NRXN1: variants seen among roughly 807,000 people sequenced by gnomAD.
The protein encoded by NRXN1 is neurexin-1.
A neutral mutation model predicts 150.9 loss-of-function variants in NRXN1; 39 were observed. That is an observed-to-expected ratio of 0.26 (90% CI 0.20 to 0.34). The LOEUF (loss-of-function observed/expected upper bound fraction) is 0.34, where lower values mean the gene tolerates loss of function less well. Ranked by LOEUF, NRXN1 falls within the 10% of genes least tolerant of loss-of-function variation. The pLI, the probability that NRXN1 is intolerant of heterozygous loss-of-function variation, is 1.00. For missense variants in NRXN1, 1,815 were observed against 1,949.9 expected (o/e 0.93, Z 1.30); for synonymous variants, 924 against 757.0 (o/e 1.22, Z -3.62).
At chr2:50,380,675 G>C (rs1356755692) in intron 17 of NRXN1, among the ~76,000 whole-genome samples, 1 of 152,002 alleles carries the variant, frequency 6.6e-6, no homozygotes, top group Non-Finnish European at 1.5e-5. Context: ...AATACATAAT[G>C]TGCACTCAAT....
chr2:50,789,324 G>T (rs968250306), intron 5 of NRXN1, among the ~76,000 whole-genome samples: 5 of 152,138 alleles, frequency 3.3e-5, no homozygotes, highest in African/African-American at 1.2e-4. Flanking sequence ...ATCATGAAAT[G>T]ATACGGCTTA....
intron 5 of NRXN1, among the ~76,000 whole-genome samples, chr2:50,719,114 G>C (rs1020478955): frequency 1.3e-5 from 2 of 151,614 alleles, no homozygotes; most frequent in African/African-American, 4.8e-5. Flanking sequence ...TGGAGGCTTG[G>C]AGGTGTAAGA....
chr2:50,363,445 A>G (rs1270579306), intron 17 of NRXN1, among the ~76,000 whole-genome samples: 1 of 152,228 alleles, frequency 6.6e-6, no homozygotes, highest in Non-Finnish European at 1.5e-5. Flanking sequence ...ATGAACAGAC[A>G]CTTTTCAAAA....
chr2:50,817,090 T>C (rs1472067647), intron 5 of NRXN1, among the ~76,000 whole-genome samples: 3 of 151,986 alleles, frequency 2.0e-5, no homozygotes, highest in East Asian at 1.9e-4. Context: ...ATTTCCATAA[T>C]TTATTTAGTT....
intron 9 of NRXN1, among the ~76,000 whole-genome samples, chr2:50,545,169 T>C (rs1460875619): frequency 6.6e-6 from 1 of 152,144 alleles, no homozygotes; most frequent in African/African-American, 2.4e-5. Context: ...AGCTAGTTTT[T>C]GAATTGCCTG....
At chr2:50,978,305 T>TATATATATATATATAA (rs1436964052) in intron 2 of NRXN1, among the ~76,000 whole-genome samples, 3 of 121,628 alleles carry the variant, frequency 2.5e-5, no homozygotes, top group East Asian at 2.4e-4. Context: ...TATATATATA[T>TATATATATATATATAA]AAAATATATA....
intron 5 of NRXN1, among the ~76,000 whole-genome samples, chr2:50,787,559 A>T (rs1339894767): frequency 1.3e-5 from 2 of 151,950 alleles, no homozygotes; most frequent in Non-Finnish European, 2.9e-5. Flanking sequence ...CTCCATCTAA[A>T]AAAAGACAAA....
At chr2:50,038,531 G>A (rs545683915) in intron 21 of NRXN1, among the ~76,000 whole-genome samples, 10 of 152,262 alleles carry the variant, frequency 6.6e-5, no homozygotes, top group African/African-American at 2.2e-4. Context: ...TGAGACTGCA[G>A]GAATGATCAC....
intron 5 of NRXN1, among the ~76,000 whole-genome samples, chr2:50,703,594 A>G (rs1694051406): frequency 6.6e-6 from 1 of 152,164 alleles, no homozygotes; most frequent in Non-Finnish European, 1.5e-5. Flanking sequence ...GCCTCAGTAG[A>G]GAAACCCATG....
chr2:50,092,514 G>T (rs1048125705), intron 18 of NRXN1, among the ~76,000 whole-genome samples: 2 of 152,128 alleles, frequency 1.3e-5, no homozygotes, highest in African/African-American at 4.8e-5. Flanking sequence ...GAAATCACAC[G>T]GAGGAAGAAG....
chr2:50,792,662 T>C (rs1706217972), intron 5 of NRXN1, among the ~76,000 whole-genome samples: 1 of 151,962 alleles, frequency 6.6e-6, no homozygotes, highest in Non-Finnish European at 1.5e-5. Context: ...CCTTCCATTT[T>C]ACCAAAAACA....
At chr2:50,526,583 T>G (rs1161561871) in intron 12 of NRXN1, 1 of 152,236 alleles carries the variant, frequency 6.6e-6, no homozygotes, top group Admixed American at 6.5e-5. Flanking sequence ...AGGTTTGCAT[T>G]ATCTGGAATG....
chr2:50,732,936 C>T (rs781200565), intron 5 of NRXN1, among the ~76,000 whole-genome samples: 7 of 152,150 alleles, frequency 4.6e-5, no homozygotes, highest in Admixed American at 1.3e-4. Flanking sequence ...GTGATTCACA[C>T]CCAATGATTT....
In NRXN1 at chr2:50,725,992, G is replaced by A. The variant is rs182137745; in HGVS notation, c.833-102377C>T. Among the ~76,000 whole-genome samples, 514 of 152,226 alleles carry A rather than the reference G, an allele frequency of 3.4e-3. 3 individuals carry two copies. The highest frequency in any genetic ancestry group is 5.5e-3 in the Admixed American group (84 of 15,278). On this transcript the variant is annotated intron_variant, in intron 5 of 22. Transcript: ENST00000401669. ...TTGCTTATGATTTAAACAAACCAGC[G>A]TCAGATTAAAGAGCTTTTACTCTCA...
At chr2:50,962,678 T>C (rs1202361321) in intron 2 of NRXN1, among the ~76,000 whole-genome samples, 3 of 151,666 alleles carry the variant, frequency 2.0e-5, no homozygotes, top group African/African-American at 7.2e-5. Flanking sequence ...GAAGTTATGA[T>C]TTTGCTATAA....
At chr2:50,021,901 A>G (rs1687628230) in intron 21 of NRXN1, among the ~76,000 whole-genome samples, 1 of 152,198 alleles carries the variant, frequency 6.6e-6, no homozygotes, top group Admixed American at 6.5e-5. Flanking sequence ...CCCACACTGG[A>G]CTGCAGTGGC....
intron 5 of NRXN1, among the ~76,000 whole-genome samples, chr2:50,643,993 G>A (rs1684436547): frequency 6.6e-6 from 1 of 151,704 alleles, no homozygotes; most frequent in South Asian, 2.1e-4. Context: ...CTATTCAGAG[G>A]CACAAAGTTG....
At chr2:50,364,945 T>A (rs1232337813) in intron 17 of NRXN1, among the ~76,000 whole-genome samples, 1 of 151,412 alleles carries the variant, frequency 6.6e-6, no homozygotes, top group East Asian at 1.9e-4. Context: ...TCTCAGCCAA[T>A]CAACAGAAAA....
At chr2:49,981,679 G>C (rs1349668978) in intron 21 of NRXN1, among the ~76,000 whole-genome samples, 2 of 152,082 alleles carry the variant, frequency 1.3e-5, no homozygotes, top group Non-Finnish European at 2.9e-5. Context: ...AACCCACATG[G>C]AGTGAATGTT....
Sources: allele counts gnomAD v4.1 joint callset (sites outside exome capture counted in the v4.1 genomes callset), GRCh38; gene constraint gnomAD v4.1.1; transcripts MANE v1.5; gene names NCBI Gene and HGNC (gene_info 2026-07-23, HGNC 2026-07-21).